Variants in SULT1B1 observed in about 807,000 individuals in gnomAD.
SULT1B1 encodes sulfotransferase 1B1.
In SULT1B1, 28 loss-of-function variants were observed where a neutral mutation model predicts 34.6. The ratio of observed to expected loss-of-function variants is 0.81; its 90% CI spans 0.60 to 1.11. The LOEUF (loss-of-function observed/expected upper bound fraction) is 1.11, where lower values mean the gene tolerates loss of function less well. SULT1B1 is among the 50% of genes least tolerant of loss of function. SULT1B1 has a pLI of 0.00. For synonymous variants in SULT1B1, 147 were observed against 110.2 expected (o/e 1.33, Z -2.09); for missense variants, 374 against 352.2 (o/e 1.06, Z -0.50).
rs151066982 is a variant in SULT1B1 at position 69,727,622 on chromosome 4, G to A, written c.779-422C>T. Among the ~76,000 whole-genome samples, 674 of 152,094 alleles carry A rather than the reference G, an allele frequency of 4.4e-3. 15 individuals are homozygous for A. The highest frequency in any genetic ancestry group is 0.015 in the African/African-American group (640 of 41,522). On this transcript the variant is annotated intron_variant, in intron 7 of 7. Transcript: ENST00000310613. Reference sequence around the variant, plus strand: ...AAACTAGACAAAAAATTAGTCATCAGCACAGCAAAACTGTGAAATAAAAAG... The same window carrying A: ...AAACTAGACAAAAAATTAGTCATCAACACAGCAAAACTGTGAAATAAAAAG...
chr4:69,732,822 T>C (rs990975432), intron 6 of SULT1B1, among the ~76,000 whole-genome samples: 2 of 151,746 alleles, frequency 1.3e-5, no homozygotes, highest in Admixed American at 6.6e-5. Context: ...AGATACACTA[T>C]CTGAACCAAT....
At chr4:69,754,151 C>T (rs1719094333) in intron 3 of SULT1B1, among the ~76,000 whole-genome samples, 1 of 152,182 alleles carries the variant, frequency 6.6e-6, no homozygotes, top group South Asian at 2.1e-4. Flanking sequence ...TGAACATTGA[C>T]ATATTGTTAT....
chr4:69,752,048 T>A (rs1255513416), intron 3 of SULT1B1, among the ~76,000 whole-genome samples: 1 of 152,240 alleles, frequency 6.6e-6, no homozygotes, highest in Non-Finnish European at 1.5e-5. Context: ...CATAACATAG[T>A]CATGTTTAAG....
At chr4:69,732,211 T>C (rs1414050137) in intron 6 of SULT1B1, among the ~76,000 whole-genome samples, 1 of 152,188 alleles carries the variant, frequency 6.6e-6, no homozygotes, top group African/African-American at 2.4e-5. Context: ...AAAGGGACAA[T>C]GATAAGACAT....
intron 4 of SULT1B1, among the ~76,000 whole-genome samples, chr4:69,739,484 C>T (rs1175330536): frequency 6.6e-6 from 1 of 152,210 alleles, no homozygotes. Flanking sequence ...CCCCTTTTAG[C>T]CACAGTTGGA....
At position 69,727,083 on chromosome 4, in the gene SULT1B1, A is replaced by G; in HGVS notation, c.*5T>C. 4 of 1,589,072 alleles carry G rather than the reference A, an allele frequency of 2.5e-6. No individual in the cohort carries two copies. The highest frequency in any genetic ancestry group is 3.4e-6 in the Non-Finnish European group (4 of 1,166,948). On this transcript the variant is annotated 3_prime_UTR_variant, in exon 8 of 8. Coordinates refer to ENST00000310613, the MANE Select transcript of SULT1B1 (RefSeq NM_014465.4). The stretch of plus-strand genomic sequence containing the variant: ...TTATTTCTTCAGATGTGTGATTTAG[A>G]CACTTTAAATCTCTGTGCGGAATTG...
intron 7 of SULT1B1, among the ~76,000 whole-genome samples, chr4:69,730,230 T>C (rs1026750056): frequency 2.0e-5 from 3 of 152,152 alleles, no homozygotes; most frequent in African/African-American, 7.2e-5. Context: ...AATTTGGAAT[T>C]GCTCACATCA....
intron 1 of SULT1B1, among the ~76,000 whole-genome samples, chr4:69,759,982 T>A (rs1719331546): frequency 6.6e-6 from 1 of 152,226 alleles, no homozygotes; most frequent in East Asian, 1.9e-4. Flanking sequence ...AAAAAACAAT[T>A]TCTTTCATTT....
At chr4:69,756,053 G>A (rs1286665770) in intron 1 of SULT1B1, among the ~76,000 whole-genome samples, 1 of 152,082 alleles carries the variant, frequency 6.6e-6, no homozygotes, top group Non-Finnish European at 1.5e-5. Context: ...CTTCTGCAAT[G>A]TTTAATCTGT....
chr4:69,734,595 A>G (rs1031097021), intron 4 of SULT1B1, among the ~76,000 whole-genome samples: 7 of 152,198 alleles, frequency 4.6e-5, no homozygotes, highest in Non-Finnish European at 1.0e-4. Flanking sequence ...CAAGAAAATG[A>G]CACTGTGACT....
Position 69,723,716 on chromosome 4 carries a change from T to G in SULT1B1, c.*3372A>C, listed in dbSNP as rs1411681312. On this transcript the variant is annotated 3_prime_UTR_variant, in exon 8 of 8. Coordinates refer to ENST00000310613, the MANE Select transcript of SULT1B1 (RefSeq NM_014465.4). ...TTCATCCCTGGGATTCAAGGCTGGT[T>G]CAACATATGCAAATCAATAAATGTA... 1.3e-5 allele frequency: 2 copies of G among 152,280 alleles called. No individual in the cohort carries two copies. Among genetic ancestry groups the G allele is most frequent in the Admixed American group, 6.5e-5 (1 of 15,292 alleles). The allele number at this position is 152,280 out of a possible 1,614,324, so 9.4% of individuals were successfully genotyped here. A position where few individuals can be genotyped will look rare whatever the true frequency, so the allele number is the denominator to read the frequency against.
intron 1 of SULT1B1, among the ~76,000 whole-genome samples, chr4:69,757,295 T>A (rs938445690): frequency 6.6e-6 from 1 of 152,184 alleles, no homozygotes; most frequent in South Asian, 2.1e-4. Context: ...AATTGCAGCA[T>A]AAATTGCATA....
intron 3 of SULT1B1, among the ~76,000 whole-genome samples, chr4:69,751,302 C>T (rs1718970839): frequency 6.6e-6 from 1 of 152,156 alleles, no homozygotes; most frequent in South Asian, 2.1e-4. Flanking sequence ...TTCCTTGTTC[C>T]GCATTCAGCT....
intron 1 of SULT1B1, 94 bp from the exon 2 acceptor site, chr4:69,755,355 C>G (rs1010600099): frequency 2.2e-6 from 2 of 908,136 alleles, no homozygotes; most frequent in African/African-American, 3.4e-5. Flanking sequence ...TGGCCTTTAA[C>G]ATTCTGCGCA....
chr4:69,746,570 TC>T (rs1428552056), intron 4 of SULT1B1, among the ~76,000 whole-genome samples: 1 of 152,220 alleles, frequency 6.6e-6, no homozygotes, highest in Non-Finnish European at 1.5e-5. Flanking sequence ...TTGTTCTTTC[TC>T]AACGTGTCTA....
In SULT1B1 at chr4:69,734,355, A is replaced by G. The variant is rs1424942412; in HGVS notation, c.376-91T>C. On this transcript the variant is annotated intron_variant, in intron 4 of 7. Transcript: ENST00000310613. ...AACCTATACGCATGTAAAAAAGCAG[A>G]GTACTTTTTCAAATAGAAATTGTGG... The G allele has an allele frequency of 2.8e-6, 4 of 1,405,506 alleles. No homozygotes were observed. In the African/African-American group the frequency reaches 4.5e-5, roughly 16 times the overall value. The allele number at this position is 1,405,506 out of a possible 1,614,324, so 87.1% of individuals were successfully genotyped here. A position where few individuals can be genotyped will look rare whatever the true frequency, so the allele number is the denominator to read the frequency against.
chr4:69,757,052 C>T (rs955383471), intron 1 of SULT1B1, among the ~76,000 whole-genome samples: 1 of 152,050 alleles, frequency 6.6e-6, no homozygotes, highest in Non-Finnish European at 1.5e-5. Flanking sequence ...CAATTGGACA[C>T]ATAAAATTGG....
chr4:69,734,538 C>T (rs17626012), intron 4 of SULT1B1, among the ~76,000 whole-genome samples: 13,780 of 152,046 alleles, frequency 0.091, 909 homozygotes, highest in Middle Eastern at 0.15. Context: ...CATTAATAGA[C>T]CACTGTGGCT....
chr4:69,756,674 T>G (rs555000384), intron 1 of SULT1B1, among the ~76,000 whole-genome samples: 2 of 152,310 alleles, frequency 1.3e-5, no homozygotes, highest in African/African-American at 4.8e-5. Flanking sequence ...CCTGCCAGCC[T>G]TTTGACTAGA....
Sources: allele counts gnomAD v4.1 joint callset (sites outside exome capture counted in the v4.1 genomes callset), GRCh38; gene constraint gnomAD v4.1.1; transcripts MANE v1.5; gene names NCBI Gene and HGNC (gene_info 2026-07-23, HGNC 2026-07-21).